LNX1: variants seen among roughly 807,000 people sequenced by gnomAD.
LNX1 encodes the protein E3 ubiquitin-protein ligase LNX.
LNX1 carries 54 observed loss-of-function variants against 68.4 expected under a neutral mutation model. The ratio of observed to expected loss-of-function variants is 0.79; its 90% confidence interval spans 0.63 to 0.99. The LOEUF is 0.99. Among genes scored for constraint, LNX1 ranks in the 50% least tolerant of loss-of-function variants. The pLI, the probability that LNX1 is intolerant of heterozygous loss-of-function variation, is 0.00. For synonymous variants in LNX1, 336 were observed against 350.0 expected (o/e 0.96, Z 0.45); for missense variants, 906 against 926.4 (o/e 0.98, Z 0.29).
chr4:53,472,424 A>G (rs548898540), intron 9 of LNX1, among the ~76,000 whole-genome samples: 22 of 152,166 alleles, frequency 1.4e-4, no homozygotes, highest in Non-Finnish European at 2.8e-4. Context: ...CCAGCATGGC[A>G]CATGTATACA....
At chr4:53,561,779 A>G (rs756782813) in intron 2 of LNX1, among the ~76,000 whole-genome samples, 3 of 152,176 alleles carry the variant, frequency 2.0e-5, no homozygotes, top group Non-Finnish European at 4.4e-5. Context: ...TTGAACAATG[A>G]ACTCTGTATT....
At chr4:53,534,420 C>T (rs146622662) in intron 2 of LNX1, among the ~76,000 whole-genome samples, 3 of 151,858 alleles carry the variant, frequency 2.0e-5, no homozygotes, top group Middle Eastern at 3.4e-3. Flanking sequence ...AGGAGGGTCT[C>T]GAGCCTAGGA....
intron 2 of LNX1, among the ~76,000 whole-genome samples, chr4:53,571,210 G>C (rs2109773144): frequency 6.6e-6 from 1 of 151,978 alleles, no homozygotes; most frequent in Admixed American, 6.5e-5. Flanking sequence ...AGTAGAGACA[G>C]GGTTTCACTA....
intron 2 of LNX1, among the ~76,000 whole-genome samples, chr4:53,512,444 C>T (rs1360010352): frequency 1.3e-5 from 2 of 151,570 alleles, no homozygotes; most frequent in Admixed American, 6.6e-5. Context: ...GAATGCAACA[C>T]TACCCTTTCC....
At chr4:53,611,985 A>G (rs534482381) in intron 2 of LNX1, among the ~76,000 whole-genome samples, 1 of 152,214 alleles carries the variant, frequency 6.6e-6, no homozygotes, top group Non-Finnish European at 1.5e-5. Flanking sequence ...ATATAGTGTG[A>G]ACACTAGTTA....
intron 2 of LNX1, among the ~76,000 whole-genome samples, chr4:53,560,607 T>C (rs1278859350): frequency 2.0e-5 from 3 of 152,172 alleles, no homozygotes; most frequent in Admixed American, 1.3e-4. Context: ...GGTGTCTCCA[T>C]TGGCACATTG....
At chr4:53,558,110 C>T in intron 2 of LNX1, 1 of 1,451,192 alleles carries the variant, frequency 6.9e-7, no homozygotes, top group Non-Finnish European at 9.0e-7. Flanking sequence ...TCAGATTAAG[C>T]CACGTTAATA....
chr4:53,645,433 C>T (rs897891405), intron 1 of LNX1, among the ~76,000 whole-genome samples: 8 of 152,154 alleles, frequency 5.3e-5, no homozygotes, highest in Admixed American at 5.2e-4. Context: ...ATTGGGGTTA[C>T]CCAATGGGGT....
intron 4 of LNX1, among the ~76,000 whole-genome samples, chr4:53,499,803 G>A (rs556777971): frequency 6.6e-6 from 1 of 152,312 alleles, no homozygotes; most frequent in East Asian, 1.9e-4. Flanking sequence ...ATCAAGAAGA[G>A]GCCAAGGCCT....
intron 1 of LNX1, among the ~76,000 whole-genome samples, chr4:53,623,916 G>A (rs1303590964): frequency 2.0e-5 from 3 of 152,148 alleles, no homozygotes; most frequent in Non-Finnish European, 2.9e-5. Context: ...TCTAGGTTTC[G>A]AACCTCTTTT....
At chr4:53,617,083 T>C (rs1318014618) in intron 1 of LNX1, among the ~76,000 whole-genome samples, 1 of 152,094 alleles carries the variant, frequency 6.6e-6, no homozygotes, top group Non-Finnish European at 1.5e-5. Context: ...ATAAAACATA[T>C]AAACTATAAT....
chr4:53,525,709 C>A (rs1360296732), intron 2 of LNX1, among the ~76,000 whole-genome samples: 1 of 152,190 alleles, frequency 6.6e-6, no homozygotes, highest in African/African-American at 2.4e-5. Context: ...TACAGGCAGC[C>A]TCAGTTAGGG....
intron 6 of LNX1, among the ~76,000 whole-genome samples, chr4:53,494,095 TCTTGA>T: frequency 6.6e-6 from 1 of 152,346 alleles, no homozygotes; most frequent in South Asian, 2.1e-4. Context: ...CCAAATCTCA[TCTTGA>T]ATTGTAGCTC....
intron 9 of LNX1, among the ~76,000 whole-genome samples, chr4:53,468,319 C>T (rs1018725164): frequency 6.6e-6 from 1 of 152,076 alleles, no homozygotes; most frequent in African/African-American, 2.4e-5. Flanking sequence ...ACCAGGCCTG[C>T]CCTAAAAGAG....
In LNX1 at chr4:53,565,240, G is replaced by A. The variant is rs4276343; in HGVS notation, c.380+8383C>T. On this transcript the variant is annotated intron_variant, in intron 2 of 10. Coordinates refer to ENST00000263925, the MANE Select transcript of LNX1 (RefSeq NM_001126328.3). The stretch of plus-strand genomic sequence containing the variant: ...ACAGCAGTAACCTCTGCAGACTTAA[G>A]TGTCCCTGTCTGACAGCTTTGAAGA... Among the ~76,000 whole-genome samples, 1,267 of 151,270 alleles carry A rather than the reference G, an allele frequency of 8.4e-3. 16 individuals are homozygous for A. Among genetic ancestry groups the A allele is most frequent in the African/African-American group, 0.029 (1,181 of 40,600 alleles).
Position 53,478,740 on chromosome 4 carries a change from G to A in LNX1, c.1488C>T (p.Pro496=), listed in dbSNP as rs143600488. ...CATGACAAGTAATTGTAGGATGGAG[G>A]GGCTGAAGGCACAGATGGAAAAACA... The part of the protein sequence containing the change: ...GPGERSNTPK[P]LHPTITCHEK... The change falls in exon 8 of 11, where the codon CCC becomes CCT. Residue 496 remains proline (P), a splice_region_variant and synonymous_variant. Transcript: ENST00000263925. The A allele has an allele frequency of 6.4e-5, 104 of 1,612,700 alleles. No individual in the cohort carries two copies. The highest frequency in any genetic ancestry group is 8.6e-5 in the Non-Finnish European group (102 of 1,179,206).
intron 3 of LNX1, 78 bp from the exon 4 acceptor site, chr4:53,507,547 A>G: frequency 1.2e-5 from 17 of 1,409,374 alleles, no homozygotes; most frequent in Non-Finnish European, 1.5e-5. Context: ...GATAAGATAT[A>G]CACAATAAGA....
intron 2 of LNX1, among the ~76,000 whole-genome samples, chr4:53,613,787 A>G (rs1042163718): frequency 9.2e-5 from 14 of 152,282 alleles, no homozygotes; most frequent in African/African-American, 3.4e-4. Context: ...ATGTGTCTTT[A>G]TAATAGAATG....
intron 2 of LNX1, among the ~76,000 whole-genome samples, chr4:53,561,469 G>A (rs1009079298): frequency 1.3e-5 from 2 of 152,172 alleles, no homozygotes; most frequent in Admixed American, 1.3e-4. Flanking sequence ...CTCATGATCC[G>A]CCCACGTCAT....
Sources: allele counts gnomAD v4.1 joint callset (sites outside exome capture counted in the v4.1 genomes callset), GRCh38; gene constraint gnomAD v4.1.1; transcripts MANE v1.5; gene names NCBI Gene and HGNC (gene_info 2026-07-23, HGNC 2026-07-21).